Variants in NME7 observed in about 807,000 individuals in gnomAD.
NME7 encodes the protein NME/NM23 family member 7.
NME7 carries 41 observed loss-of-function variants against 49.1 expected under a neutral mutation model. The observed-to-expected ratio is 0.83, with a 90% CI of 0.65 to 1.08. The LOEUF (loss-of-function observed/expected upper bound fraction) is 1.08, where lower values mean the gene tolerates loss of function less well. Ranked by LOEUF, NME7 falls within the 50% of genes least tolerant of loss-of-function variation. The pLI is 0.00. For synonymous variants in NME7, 139 were observed against 150.6 expected (o/e 0.92, Z 0.56); for missense variants, 423 against 463.4 (o/e 0.91, Z 0.80).
chr1:169,169,210 T>TG (rs1571260162), intron 11 of NME7: 13 of 180,010 alleles, frequency 7.2e-5, no homozygotes, highest in Non-Finnish European at 8.9e-5. Context: ...TGTCAGGGGG[T>TG]GGGGGGGATA....
At position 169,210,224 on chromosome 1, in the gene NME7, T is replaced by C. The variant is rs113536592; in HGVS notation, c.990+20494A>G. 6.1e-3 allele frequency among the ~76,000 whole-genome samples: 936 copies of C among 152,318 alleles called. 7 individuals carry two copies. The highest frequency in any genetic ancestry group is 0.021 in the African/African-American group (868 of 41,580). The stretch of plus-strand genomic sequence containing the variant: ...TTTATTTCTAGTTTACCCAAGTCTG[T>C]ATACCACAGGGAATCTCTGAGAGTT... On this transcript the variant is annotated intron_variant, in intron 10 of 11. Coordinates refer to ENST00000367811, the MANE Select transcript of NME7 (RefSeq NM_013330.5).
chr1:169,196,909 C>T (rs1308803581), intron 10 of NME7, among the ~76,000 whole-genome samples: 1 of 152,142 alleles, frequency 6.6e-6, no homozygotes, highest in African/African-American at 2.4e-5. Context: ...CTTTGATATA[C>T]TTGTTATAAT....
rs537161848 is a variant in NME7 at position 169,366,759 on chromosome 1, G to A, written c.3+949C>T. ...TGTTTAGAAAGGAGAAATGAAGAGG[G>A]CAAAAGACAGGGTTTGTAAAGGGAA... On this transcript the variant is annotated intron_variant, in intron 1 of 11. Coordinates refer to ENST00000367811, the MANE Select transcript of NME7 (RefSeq NM_013330.5). Among the ~76,000 whole-genome samples, 5 of 152,288 alleles carry A rather than the reference G, an allele frequency of 3.3e-5. No individual in the cohort carries two copies. The South Asian group carries it at 1.0e-3, about 32-fold the overall frequency.
chr1:169,153,728 C>G (rs548167396), intron 11 of NME7, among the ~76,000 whole-genome samples: 1 of 151,944 alleles, frequency 6.6e-6, no homozygotes, highest in East Asian at 1.9e-4. Context: ...GACAAAGTTT[C>G]GTTCTGTCAC....
intron 1 of NME7, among the ~76,000 whole-genome samples, chr1:169,354,151 G>A (rs1437783110): frequency 5.9e-5 from 9 of 152,042 alleles, no homozygotes; most frequent in Non-Finnish European, 1.5e-5. Flanking sequence ...CAACCTAAGT[G>A]TCCATCTAAA....
At chr1:169,290,665 C>A (rs12124064) in intron 6 of NME7, among the ~76,000 whole-genome samples, 1 of 151,780 alleles carries the variant, frequency 6.6e-6, no homozygotes, top group Non-Finnish European at 1.5e-5. Flanking sequence ...TTGACAAATG[C>A]GATCTAATTA....
At position 169,268,874 on chromosome 1, in the gene NME7, G is replaced by A. The variant is rs1238698452; in HGVS notation, c.754+18429C>T. On this transcript the variant is annotated intron_variant, in intron 7 of 11. Coordinates refer to ENST00000367811, the MANE Select transcript of NME7 (RefSeq NM_013330.5). ...TGGTAATGGGGTGACGAAATAATCT[G>A]TTAACTAAACCCCGAGTCAAGAGTT... Among the ~76,000 whole-genome samples the A allele has an allele frequency of 2.3e-5, 3 of 133,022 alleles. 1 individual carries two copies. The highest frequency in any genetic ancestry group is 5.3e-5 in the Non-Finnish European group (3 of 56,654). 87.3% of individuals were successfully genotyped at this position (133,022 alleles called of 152,430 possible). A position where few individuals can be genotyped will look rare whatever the true frequency, so the allele number is the denominator to read the frequency against.
At chr1:169,312,406 G>A (rs146903859) in intron 3 of NME7, among the ~76,000 whole-genome samples, 148 of 152,308 alleles carry the variant, frequency 9.7e-4, no homozygotes, top group African/African-American at 3.5e-3. Context: ...GATTCATTGA[G>A]AGCCATCAGT....
chr1:169,311,770 A>T (rs961742510), intron 3 of NME7, among the ~76,000 whole-genome samples: 4 of 152,244 alleles, frequency 2.6e-5, no homozygotes, highest in African/African-American at 9.6e-5. Context: ...AATGTCTATA[A>T]ACAAGAAGCA....
intron 10 of NME7, among the ~76,000 whole-genome samples, chr1:169,180,902 T>C (rs751156631): frequency 6.6e-6 from 1 of 152,168 alleles, no homozygotes; most frequent in Non-Finnish European, 1.5e-5. Flanking sequence ...TGGAGAGCTA[T>C]ATGTGGCTAA....
In NME7 at chr1:169,262,832, C is replaced by G. The variant is rs563964534; in HGVS notation, c.754+24471G>C. ...GAGCCACTCAGATGTTTTGCAGAGGCAACTCCCATGTCCCCCCAGGAAGCA... is the reference window on the plus strand; with the variant it reads ...GAGCCACTCAGATGTTTTGCAGAGGGAACTCCCATGTCCCCCCAGGAAGCA... On this transcript the variant is annotated intron_variant, in intron 7 of 11. Transcript: ENST00000367811. Among the ~76,000 whole-genome samples, 28 of 134,026 alleles carry G rather than the reference C, an allele frequency of 2.1e-4. 7 individuals are homozygous for G. Among genetic ancestry groups the G allele is most frequent in the Admixed American group, 5.1e-4 (7 of 13,692 alleles). The allele number at this position is 134,026 out of a possible 152,430, so 87.9% of individuals were successfully genotyped here. A position where few individuals can be genotyped will look rare whatever the true frequency, so the allele number is the denominator to read the frequency against.
intron 9 of NME7, 149 bp from the exon 10 acceptor site, chr1:169,230,968 G>T: frequency 2.1e-6 from 1 of 471,092 alleles, no homozygotes; most frequent in Non-Finnish European, 3.8e-6. Context: ...CCCAAATTCT[G>T]TCCATTTTTC....
intron 7 of NME7, among the ~76,000 whole-genome samples, chr1:169,265,831 T>G (rs1246916369): frequency 7.6e-6 from 1 of 132,272 alleles, no homozygotes; most frequent in Non-Finnish European, 1.8e-5. Context: ...GAGACTACTA[T>G]GAACACCGTT....
chr1:169,361,553 G>T (rs1335126170), intron 1 of NME7, among the ~76,000 whole-genome samples: 1 of 152,196 alleles, frequency 6.6e-6, no homozygotes, highest in Non-Finnish European at 1.5e-5. Context: ...GCCGAGGCAG[G>T]CGGATGACCT....
intron 10 of NME7, among the ~76,000 whole-genome samples, chr1:169,177,363 T>C (rs1659782417): frequency 6.6e-6 from 1 of 152,090 alleles, no homozygotes; most frequent in Admixed American, 6.6e-5. Context: ...GTCTATCTGG[T>C]TTCCTAGATA....
At chr1:169,253,467 G>A (rs1373650277) in intron 7 of NME7, among the ~76,000 whole-genome samples, 5 of 151,974 alleles carry the variant, frequency 3.3e-5, no homozygotes, top group Non-Finnish European at 7.4e-5. Flanking sequence ...TTTGGGCTGA[G>A]ACAATGGGGT....
intron 10 of NME7, among the ~76,000 whole-genome samples, chr1:169,205,538 C>T (rs1426260138): frequency 6.6e-6 from 1 of 152,106 alleles, no homozygotes; most frequent in African/African-American, 2.4e-5. Context: ...ATAATCCTCA[C>T]AACCGGCTTA....
intron 7 of NME7, among the ~76,000 whole-genome samples, chr1:169,279,347 C>G (rs36179730): frequency 1.3e-5 from 2 of 152,260 alleles, no homozygotes; most frequent in East Asian, 1.9e-4. Flanking sequence ...CCACCCAGTT[C>G]GAGCTTCCAG....
intron 1 of NME7, among the ~76,000 whole-genome samples, chr1:169,336,723 CAG>C (rs1005781831): frequency 1.3e-5 from 2 of 150,612 alleles, no homozygotes; most frequent in African/African-American, 4.9e-5. Context: ...CAGCTAGATA[CAG>C]AGTGTCCATT....
Sources: allele counts gnomAD v4.1 joint callset (sites outside exome capture counted in the v4.1 genomes callset), GRCh38; gene constraint gnomAD v4.1.1; transcripts MANE v1.5; gene names NCBI Gene and HGNC (gene_info 2026-07-23, HGNC 2026-07-21).